Variants in TUBGCP5 observed in about 807,000 individuals in gnomAD.
TUBGCP5 encodes the protein gamma-tubulin complex component 5.
Under a neutral mutation model 134.7 loss-of-function variants are expected in TUBGCP5, and 98 were observed. The observed-to-expected ratio is 0.73, with a 90% CI of 0.62 to 0.86. The LOEUF (loss-of-function observed/expected upper bound fraction) is 0.86. TUBGCP5 is among the 40% of genes least tolerant of loss of function. TUBGCP5 has a pLI of 0.00. For synonymous variants in TUBGCP5, 456 were observed against 431.4 expected (o/e 1.06, Z -0.71); for missense variants, 1,150 against 1,244.8 (o/e 0.92, Z 1.15).
intron 3 of TUBGCP5, among the ~76,000 whole-genome samples, chr15:23,035,317 G>A: frequency 7.9e-6 from 1 of 126,630 alleles, no homozygotes. Flanking sequence ...GTGACAAAGT[G>A]ACACTCAGTC....
At chr15:23,023,441 C>T (rs1174370702) in intron 10 of TUBGCP5, 1 of 154,878 alleles carries the variant, frequency 6.5e-6, no homozygotes, top group African/African-American at 2.4e-5. Flanking sequence ...TAGCAAAAGC[C>T]TGGGAACAAC....
Position 23,018,054 on chromosome 15 carries a change from A to G in TUBGCP5, c.1488-13T>C, listed in dbSNP as rs111739760. The G allele has an allele frequency of 5.4e-3, 8,538 of 1,594,346 alleles. 419 individuals are homozygous for G. In the African/African-American group the frequency reaches 0.1, roughly 19 times the overall value. ...AACATTTTTGTTTCTAAAGAGATTC[A>G]AAAGAATTTTAAACTCTTATTTCTC... On this transcript the variant is annotated splice_polypyrimidine_tract_variant and intron_variant, in intron 12 of 22. Coordinates refer to ENST00000615383, the MANE Select transcript of TUBGCP5 (RefSeq NM_052903.6).
intron 3 of TUBGCP5, among the ~76,000 whole-genome samples, chr15:23,033,972 G>C (rs1567169247): frequency 6.6e-6 from 1 of 152,128 alleles, no homozygotes; most frequent in Admixed American, 6.6e-5. Flanking sequence ...AACTCAGCAA[G>C]CCTGAATTGC....
chr15:23,007,700 T>C (rs999335798), intron 16 of TUBGCP5, among the ~76,000 whole-genome samples: 2 of 152,028 alleles, frequency 1.3e-5, no homozygotes, highest in Admixed American at 1.3e-4. Flanking sequence ...AAAGAGAACA[T>C]GGTGTGTATG....
At chr15:23,021,900 C>CT in intron 11 of TUBGCP5, 59 bp downstream of exon 11, 1 of 1,528,366 alleles carries the variant, frequency 6.5e-7, no homozygotes, top group Non-Finnish European at 9.1e-7. Flanking sequence ...CATCAGCTGT[C>CT]TATCACTCCT....
chr15:23,008,689 C>T lies in TUBGCP5; in HGVS notation c.2327+10G>A, dbSNP rs1414165828. On this transcript the variant is annotated intron_variant, in intron 16 of 22. Transcript: ENST00000615383. ...CACTAATTTAAATAAAGGTGGCGTCCATATTTTACCGTGAACTATCTTCAG... is the reference window on the plus strand; with the variant it reads ...CACTAATTTAAATAAAGGTGGCGTCTATATTTTACCGTGAACTATCTTCAG... 6.2e-7 allele frequency: 1 copy of T among 1,604,614 alleles called. No individual in the cohort carries two copies. Among genetic ancestry groups the T allele is most frequent in the South Asian group, 1.1e-5 (1 of 88,818 alleles).
At chr15:23,027,414 A>C in intron 6 of TUBGCP5, 108 bp from the exon 7 acceptor site, 1 of 784,838 alleles carries the variant, frequency 1.3e-6, no homozygotes, top group South Asian at 1.6e-5. Flanking sequence ...TGGCTTTTTA[A>C]AAATAACAGC....
At chr15:23,025,155 G>T (rs1196773740) in intron 8 of TUBGCP5, among the ~76,000 whole-genome samples, 1 of 152,098 alleles carries the variant, frequency 6.6e-6, no homozygotes, top group Non-Finnish European at 1.5e-5. Context: ...ACCTGCCTTG[G>T]CCTCCCACAG....
rs933520226 is a variant in TUBGCP5 at position 23,023,835 on chromosome 15, G to A, written c.1168+112C>T. On this transcript the variant is annotated intron_variant, in intron 10 of 22. Transcript: ENST00000615383. ...AAATAATTTTAAAAGAAGCATTCAC[G>A]AGAACTACTTATCTGCTAGGCAACT... The A allele has an allele frequency of 1.9e-5, 19 of 1,003,096 alleles. No homozygotes were observed. In the Admixed American group the frequency reaches 3.3e-4, roughly 18 times the overall value. 62.1% of individuals were successfully genotyped at this position (1,003,096 alleles called of 1,614,324 possible). A position where few individuals can be genotyped will look rare whatever the true frequency, so the allele number is the denominator to read the frequency against.
At chr15:23,023,728 A>C (rs1221608441) in intron 10 of TUBGCP5, 3 of 427,302 alleles carry the variant, frequency 7.0e-6, no homozygotes, top group Non-Finnish European at 1.2e-5. Flanking sequence ...TGGTGCAGGA[A>C]GAATAATTTA....
At chr15:22,984,930 G>A (rs997219636) in intron 23 of TUBGCP5, among the ~76,000 whole-genome samples, 68 of 152,116 alleles carry the variant, frequency 4.5e-4, no homozygotes, top group African/African-American at 1.5e-3. Flanking sequence ...TGTTAAAAGA[G>A]TGAAAAGACA....
At chr15:23,002,053 CATTT>C (rs1701006855) in intron 21 of TUBGCP5, among the ~76,000 whole-genome samples, 1 of 119,676 alleles carries the variant, frequency 8.4e-6, no homozygotes, top group Non-Finnish European at 1.7e-5. Context: ...ATTTTTCTCA[CATTT>C]ATTTGTAAAA....
chr15:23,025,668 TA>T (rs779973603), intron 8 of TUBGCP5, among the ~76,000 whole-genome samples: 1 of 151,944 alleles, frequency 6.6e-6, no homozygotes, highest in Non-Finnish European at 1.5e-5. Flanking sequence ...CCGTCTCTAC[TA>T]AAAAAGTAAA....
rs2065153900 is a variant in TUBGCP5, at chr15:23,013,480, G to A, written c.1757-2149C>T. On this transcript the variant is annotated intron_variant, in intron 13 of 22. Coordinates refer to ENST00000615383, the MANE Select transcript of TUBGCP5 (RefSeq NM_052903.6). The surrounding 1 kb of genome is among the most constrained non-coding windows in gnomAD (Gnocchi z 4.5). Reference sequence around the variant, plus strand: ...AGATCCGACTGGAGTTGAAGGGCGAGTGCTGGAGTGCAGAGGGGGAATGTG... The same window carrying A: ...AGATCCGACTGGAGTTGAAGGGCGAATGCTGGAGTGCAGAGGGGGAATGTG... 6.6e-6 allele frequency among the ~76,000 whole-genome samples: 1 copy of A among 152,078 alleles called. No homozygotes were observed. The highest frequency in any genetic ancestry group is 1.5e-5 in the Non-Finnish European group (1 of 67,988).
chr15:22,997,290 C>A (rs1257899640), downstream of TUBGCP5, among the ~76,000 whole-genome samples: 1 of 151,474 alleles, frequency 6.6e-6, no homozygotes, highest in Non-Finnish European at 1.5e-5. Context: ...AGCGATTCTC[C>A]TGTCTCAGCC....
In TUBGCP5 at chr15:23,032,801, C is replaced by T. The variant is rs200466901; in HGVS notation, c.333G>A (p.Leu111=). The change falls in exon 4 of 23, where the codon CTG becomes CTA. Residue 111 remains leucine, a synonymous_variant. Coordinates refer to ENST00000615383, the MANE Select transcript of TUBGCP5 (RefSeq NM_052903.6). ...AGTCTGACAGACACAGAAGAAGTGACAGTATGGAATAATGTGCATCTGTCT... is the reference window on the plus strand; with the variant it reads ...AGTCTGACAGACACAGAAGAAGTGATAGTATGGAATAATGTGCATCTGTCT... ...EIKTDAHYSI[L]SLLLCLSDSP... 6.3e-7 allele frequency: 1 copy of T among 1,587,998 alleles called. No homozygotes were observed. The highest frequency in any genetic ancestry group is 2.3e-5 in the East Asian group (1 of 43,484).
chr15:22,984,168 G>A (rs1172083399), intron 23 of TUBGCP5, among the ~76,000 whole-genome samples: 1 of 152,182 alleles, frequency 6.6e-6, no homozygotes. Flanking sequence ...ACCATTTAAA[G>A]CCTCTGGAAA....
At chr15:22,983,992 T>G (rs2063608080) in intron 23 of TUBGCP5, among the ~76,000 whole-genome samples, 1 of 151,984 alleles carries the variant, frequency 6.6e-6, no homozygotes. Flanking sequence ...TAGTAGGCGG[T>G]GCCTGTGGTC....
rs71414252 is a variant in TUBGCP5, at chr15:22,993,525, G to GTTTTTTTTTTTTTTT, written c.*61+3305_*61+3319dup. On this transcript the variant is annotated intron_variant and NMD_transcript_variant, in intron 23 of 23. Transcript: ENST00000614508. Reference sequence around the variant, plus strand: ...TAATCCTCCCACCTCAGCCCCCGAAGTTTTTTTTTTTTTTTTTTTTTTTTT... The same window carrying GTTTTTTTTTTTTTTT: ...TAATCCTCCCACCTCAGCCCCCGAAGTTTTTTTTTTTTTTTTTTTTTTTTTTTTTTTTTTTTTTTT... Among the ~76,000 whole-genome samples the GTTTTTTTTTTTTTTT allele has an allele frequency of 3.9e-4, 27 of 69,268 alleles. 3 individuals carry two copies. Among genetic ancestry groups the GTTTTTTTTTTTTTTT allele is most frequent in the African/African-American group, 1.6e-3 (27 of 16,736 alleles). The allele number at this position is 69,268 out of a possible 152,430, so 45.4% of individuals were successfully genotyped here. A position where few individuals can be genotyped will look rare whatever the true frequency, so the allele number is the denominator to read the frequency against.
Sources: gnomAD v4.1 joint callset for allele counts (sites outside exome capture counted in the v4.1 genomes callset) on GRCh38, gnomAD v4.1.1 for gene constraint, Gnocchi (gnomAD v3.1) non-coding constraint, MANE v1.5 for transcripts, NCBI Gene and HGNC (gene_info 2026-07-23, HGNC 2026-07-21) for gene names.